The following EPHA6 variants were observed in gnomAD, a reference collection of about 807,000 sequenced individuals.
EPHA6 encodes ephrin type-A receptor 6.
A neutral mutation model predicts 112.0 loss-of-function variants in EPHA6; 50 were observed. The observed-to-expected ratio is 0.45, with a 90% CI of 0.36 to 0.56. The LOEUF (loss-of-function observed/expected upper bound fraction) is 0.56, where lower values mean the gene tolerates loss of function less well. Ranked by LOEUF, EPHA6 falls within the 20% of genes least tolerant of loss-of-function variation. The pLI is 0.00. For missense variants in EPHA6, 1,280 were observed against 1,417.4 expected (o/e 0.90, Z 1.56); for synonymous variants, 529 against 490.7 (o/e 1.08, Z -1.03).
chr3:96,861,557 T>C (rs1432562746), intron 1 of EPHA6, among the ~76,000 whole-genome samples: 1 of 151,978 alleles, frequency 6.6e-6, no homozygotes, highest in Non-Finnish European at 1.5e-5. Context: ...TTTCAAAAGT[T>C]CTAGACTTGA....
At chr3:96,882,230 C>A (rs559023585) in intron 2 of EPHA6, among the ~76,000 whole-genome samples, 7 of 152,214 alleles carry the variant, frequency 4.6e-5, no homozygotes, top group Non-Finnish European at 1.0e-4. Flanking sequence ...TTCCACACTG[C>A]CTTAGCAGAG....
intron 11 of EPHA6, among the ~76,000 whole-genome samples, chr3:97,555,374 G>C (rs1159863293): frequency 1.3e-5 from 2 of 152,120 alleles, no homozygotes; most frequent in South Asian, 2.1e-4. Flanking sequence ...ATTGTGAATA[G>C]TGCCGCAATA....
intron 2 of EPHA6, among the ~76,000 whole-genome samples, chr3:96,956,903 C>T (rs191021844): frequency 9.9e-5 from 15 of 151,612 alleles, no homozygotes; most frequent in Admixed American, 2.0e-4. Context: ...TGTGGTGATA[C>T]GTGCCTGTAG....
At chr3:97,711,374 C>G (rs573694947) in intron 14 of EPHA6, among the ~76,000 whole-genome samples, 1 of 151,966 alleles carries the variant, frequency 6.6e-6, no homozygotes, top group South Asian at 2.1e-4. Context: ...TGGACTAATA[C>G]AGTCAGGATT....
At chr3:97,036,157 C>G (rs1260333291) in intron 3 of EPHA6, among the ~76,000 whole-genome samples, 1 of 151,972 alleles carries the variant, frequency 6.6e-6, no homozygotes, top group Non-Finnish European at 1.5e-5. Flanking sequence ...GTTTATAAGC[C>G]ACCCAGCCTA....
At chr3:97,161,276 A>G (rs2076408840) in intron 3 of EPHA6, among the ~76,000 whole-genome samples, 1 of 152,144 alleles carries the variant, frequency 6.6e-6, no homozygotes, top group Non-Finnish European at 1.5e-5. Flanking sequence ...TTATTTTTAG[A>G]TGATGCAATG....
intron 3 of EPHA6, among the ~76,000 whole-genome samples, chr3:97,137,809 C>T (rs543448220): frequency 5.3e-5 from 8 of 151,880 alleles, no homozygotes; most frequent in African/African-American, 7.2e-5. Context: ...CAAACCTGCA[C>T]GTTGTGCACA....
intron 3 of EPHA6, among the ~76,000 whole-genome samples, chr3:97,211,375 C>A (rs1270097436): frequency 2.0e-5 from 3 of 152,124 alleles, no homozygotes; most frequent in Admixed American, 2.0e-4. Context: ...TAAGTTCTAT[C>A]TTTTATTCCC....
chr3:97,666,298 T>C (rs933306442), intron 14 of EPHA6, among the ~76,000 whole-genome samples: 3 of 152,308 alleles, frequency 2.0e-5, no homozygotes, highest in Middle Eastern at 3.4e-3. Context: ...TTTATTGTTA[T>C]TTCTATCACT....
intron 3 of EPHA6, among the ~76,000 whole-genome samples, chr3:97,222,954 A>G (rs138998130): frequency 6.6e-5 from 10 of 152,346 alleles, no homozygotes; most frequent in African/African-American, 2.2e-4. Context: ...TGCGAGCTGA[A>G]AGATAAGTGA....
intron 5 of EPHA6, among the ~76,000 whole-genome samples, chr3:97,321,119 G>C (rs1335211756): frequency 6.6e-6 from 1 of 151,856 alleles, no homozygotes; most frequent in African/African-American, 2.4e-5. Flanking sequence ...TTTATTGTTT[G>C]GGGAGAGCAA....
chr3:96,899,876 A>G (rs1218921316), intron 2 of EPHA6, among the ~76,000 whole-genome samples: 5 of 152,138 alleles, frequency 3.3e-5, no homozygotes, highest in African/African-American at 1.2e-4. Context: ...AATAATCTTA[A>G]TTCACACTTT....
At chr3:97,167,209 A>G (rs2076562153) in intron 3 of EPHA6, among the ~76,000 whole-genome samples, 1 of 152,196 alleles carries the variant, frequency 6.6e-6, no homozygotes, top group African/African-American at 2.4e-5. Flanking sequence ...GATGGAAAAT[A>G]TGGGTTTGAT....
intron 6 of EPHA6, among the ~76,000 whole-genome samples, chr3:97,412,289 G>A (rs1001330869): frequency 6.6e-6 from 1 of 151,996 alleles, no homozygotes; most frequent in African/African-American, 2.4e-5. Flanking sequence ...ACTAGGTAAG[G>A]CTACATAATT....
At chr3:97,451,302 G>A (rs935337613) in intron 7 of EPHA6, among the ~76,000 whole-genome samples, 3 of 151,924 alleles carry the variant, frequency 2.0e-5, no homozygotes, top group African/African-American at 7.3e-5. Flanking sequence ...ACAAGATTAT[G>A]CCTCATTTTA....
At chr3:97,646,128 A>G (rs1413072670) in intron 14 of EPHA6, 2 of 1,526,186 alleles carry the variant, frequency 1.3e-6, no homozygotes, top group Non-Finnish European at 1.7e-6. Context: ...GAGACCCACA[A>G]ATCACAACAA....
intron 10 of EPHA6, among the ~76,000 whole-genome samples, chr3:97,517,678 A>G (rs1038810631): frequency 1.3e-5 from 2 of 152,086 alleles, no homozygotes; most frequent in Non-Finnish European, 2.9e-5. Flanking sequence ...GGGCAATAAG[A>G]TCATTAAAGC....
At chr3:97,645,167 AT>A (rs2094047537) in intron 14 of EPHA6, among the ~76,000 whole-genome samples, 1 of 151,876 alleles carries the variant, frequency 6.6e-6, no homozygotes, top group Admixed American at 6.6e-5. Flanking sequence ...ATTACTAGGT[AT>A]ATACCCAAAG....
At chr3:96,947,807 A>T (rs886258298) in intron 2 of EPHA6, among the ~76,000 whole-genome samples, 1 of 152,324 alleles carries the variant, frequency 6.6e-6, no homozygotes, top group East Asian at 1.9e-4. Context: ...CAATATCATG[A>T]AAATGGCCAT....
Sources: allele counts gnomAD v4.1 joint callset (sites outside exome capture counted in the v4.1 genomes callset), GRCh38; gene constraint gnomAD v4.1.1; transcripts MANE v1.5; gene names NCBI Gene and HGNC (gene_info 2026-07-23, HGNC 2026-07-21).